Variants in PTPRD observed in about 807,000 individuals in gnomAD.
PTPRD encodes receptor-type tyrosine-protein phosphatase delta.
A neutral mutation model predicts 214.5 loss-of-function variants in PTPRD; 34 were observed. That is an observed-to-expected ratio of 0.16 (90% CI 0.12 to 0.21). The LOEUF is 0.21. Among genes scored for constraint, PTPRD ranks in the 10% least tolerant of loss-of-function variants. The pLI is 1.00. For missense variants in PTPRD, 2,545 were observed against 2,398.7 expected (o/e 1.06, Z -1.27); for synonymous variants, 1,128 against 845.7 (o/e 1.33, Z -5.79).
intron 36 of PTPRD, among the ~76,000 whole-genome samples, chr9:8,397,506 A>G (rs2091469984): frequency 6.6e-6 from 1 of 152,158 alleles, no homozygotes; most frequent in African/African-American, 2.4e-5. Flanking sequence ...CAGTTACCAG[A>G]TATGCCCCTT....
chr9:8,366,210 G>C (rs2079834325), intron 39 of PTPRD, among the ~76,000 whole-genome samples: 1 of 152,154 alleles, frequency 6.6e-6, no homozygotes, highest in African/African-American at 2.4e-5. Flanking sequence ...ATTTGAGCAA[G>C]AGCAAGTGGC....
intron 5 of PTPRD, among the ~76,000 whole-genome samples, chr9:9,889,626 T>C (rs1273032527): frequency 3.3e-5 from 5 of 152,122 alleles, no homozygotes. Context: ...CCACAATACA[T>C]TGCCTGTTCT....
intron 3 of PTPRD, among the ~76,000 whole-genome samples, chr9:10,311,169 A>G (rs1245563703): frequency 1.3e-5 from 2 of 151,926 alleles, no homozygotes; most frequent in Non-Finnish European, 2.9e-5. Flanking sequence ...AGTACTAGGG[A>G]AAAAACCTAG....
intron 10 of PTPRD, among the ~76,000 whole-genome samples, chr9:9,030,903 G>A (rs2099603211): frequency 6.6e-6 from 1 of 151,776 alleles, no homozygotes; most frequent in Non-Finnish European, 1.5e-5. Context: ...CATTCATATG[G>A]TTCTTATTCA....
At chr9:10,547,565 A>G (rs375123196) in intron 2 of PTPRD, among the ~76,000 whole-genome samples, 10 of 152,178 alleles carry the variant, frequency 6.6e-5, no homozygotes, top group African/African-American at 2.2e-4. Flanking sequence ...TACCTTACAC[A>G]TAAGAAACAC....
Position 8,848,109 on chromosome 9 carries a change from G to C in PTPRD, c.-103-114163C>G, listed in dbSNP as rs147822685. ...CTTCTGCTCCAGGACTGACCCCAGA[G>C]CTCTGGCAGTTGTATCACTGGCAGA... On this transcript the variant is annotated intron_variant, in intron 11 of 45. Transcript: ENST00000381196. Among the ~76,000 whole-genome samples, 1,488 of 152,064 alleles carry C rather than the reference G, an allele frequency of 9.8e-3. 27 individuals are homozygous for C. Among genetic ancestry groups the C allele is most frequent in the African/African-American group, 0.034 (1,418 of 41,482 alleles).
At chr9:9,247,353 T>C (rs778418635) in intron 9 of PTPRD, among the ~76,000 whole-genome samples, 1 of 150,942 alleles carries the variant, frequency 6.6e-6, no homozygotes, top group Non-Finnish European at 1.5e-5. Flanking sequence ...CCACTCTTCA[T>C]GGAATATAAG....
At chr9:9,388,018 T>C (rs557561640) in intron 9 of PTPRD, among the ~76,000 whole-genome samples, 4 of 151,962 alleles carry the variant, frequency 2.6e-5, no homozygotes, top group East Asian at 1.9e-4. Context: ...TATCCCGGAG[T>C]TTCTTGCCTT....
At chr9:8,817,183 T>C (rs1036173789) in intron 11 of PTPRD, among the ~76,000 whole-genome samples, 2 of 152,232 alleles carry the variant, frequency 1.3e-5, no homozygotes, top group African/African-American at 2.4e-5. Flanking sequence ...ACATTTCTCA[T>C]GCTAGTTAAA....
intron 2 of PTPRD, among the ~76,000 whole-genome samples, chr9:10,493,159 A>G (rs2040910099): frequency 6.6e-6 from 1 of 152,138 alleles, no homozygotes. Context: ...ATATCGTGAA[A>G]ATGGGCATAC....
At chr9:9,201,277 G>A (rs1198127787) in intron 9 of PTPRD, among the ~76,000 whole-genome samples, 1 of 152,134 alleles carries the variant, frequency 6.6e-6, no homozygotes, top group Admixed American at 6.5e-5. Context: ...AAGGAAACAG[G>A]AAGTTAAGAA....
intron 7 of PTPRD, among the ~76,000 whole-genome samples, chr9:9,719,695 C>T (rs979963065): frequency 2.0e-5 from 3 of 152,218 alleles, no homozygotes; most frequent in Non-Finnish European, 2.9e-5. Context: ...GGGCTGTAAA[C>T]CTTCTGGGAT....
At chr9:9,188,221 T>C (rs1432482958) in intron 9 of PTPRD, among the ~76,000 whole-genome samples, 1 of 152,116 alleles carries the variant, frequency 6.6e-6, no homozygotes, top group African/African-American at 2.4e-5. Context: ...TACATTCATG[T>C]TGTAATTTGT....
chr9:8,669,548 G>C (rs749398176), intron 12 of PTPRD, among the ~76,000 whole-genome samples: 13 of 152,074 alleles, frequency 8.5e-5, no homozygotes, highest in Non-Finnish European at 1.6e-4. Context: ...AAGACACCAA[G>C]GTTAGTGGAA....
At chr9:9,416,749 G>A (rs543604892) in intron 8 of PTPRD, among the ~76,000 whole-genome samples, 2 of 152,204 alleles carry the variant, frequency 1.3e-5, no homozygotes, top group East Asian at 3.9e-4. Context: ...TGATAGGCAG[G>A]AATACTCAGA....
intron 4 of PTPRD, among the ~76,000 whole-genome samples, chr9:10,017,119 C>T (rs931309735): frequency 1.3e-5 from 2 of 152,186 alleles, no homozygotes; most frequent in Non-Finnish European, 2.9e-5. Flanking sequence ...CAATCATACA[C>T]ATGTTTACTA....
At chr9:10,539,718 T>C (rs954026108) in intron 2 of PTPRD, among the ~76,000 whole-genome samples, 2 of 152,160 alleles carry the variant, frequency 1.3e-5, no homozygotes, top group Non-Finnish European at 2.9e-5. Context: ...TTAAAACCTA[T>C]GGCTGTGGAC....
chr9:9,168,392 A>G (rs1277970317), intron 10 of PTPRD, among the ~76,000 whole-genome samples: 3 of 152,004 alleles, frequency 2.0e-5, no homozygotes, highest in African/African-American at 4.8e-5. Flanking sequence ...CCTTTTCCAT[A>G]TATTTTTAGC....
At chr9:10,443,208 T>C (rs1184787133) in intron 2 of PTPRD, among the ~76,000 whole-genome samples, 2 of 151,598 alleles carry the variant, frequency 1.3e-5, no homozygotes, top group African/African-American at 4.8e-5. Flanking sequence ...ATTGAGACTA[T>C]ATATTCTTAG....
Sources: gnomAD v4.1 joint callset for allele counts (sites outside exome capture counted in the v4.1 genomes callset) on GRCh38, gnomAD v4.1.1 for gene constraint, MANE v1.5 for transcripts, NCBI Gene and HGNC (gene_info 2026-07-23, HGNC 2026-07-21) for gene names.